Variants in EYS observed in about 807,000 individuals in gnomAD.
EYS encodes protein eyes shut homolog.
A neutral mutation model predicts 282.1 loss-of-function variants in EYS; 250 were observed. The ratio of observed to expected loss-of-function variants is 0.89; its 90% CI spans 0.80 to 0.98. The LOEUF is 0.98. Ranked by LOEUF, EYS falls within the 50% of genes least tolerant of loss-of-function variation. The pLI is 0.00. For synonymous variants in EYS, 1,355 were observed against 1,282.9 expected, an observed-to-expected ratio of 1.06 and a Z score of -1.20; for missense variants, 4,016 against 3,709.0, an observed-to-expected ratio of 1.08 and a Z score of -2.15.
At chr6:64,233,306 T>G (rs1361351076) in intron 30 of EYS, among the ~76,000 whole-genome samples, 7 of 152,320 alleles carry the variant, frequency 4.6e-5, no homozygotes, top group South Asian at 2.1e-4. Context: ...TGATATATGA[T>G]AATTAATAGT....
chr6:65,325,375 G>C (rs1300296345), intron 11 of EYS, among the ~76,000 whole-genome samples: 3 of 152,114 alleles, frequency 2.0e-5, no homozygotes, highest in East Asian at 3.9e-4. Flanking sequence ...TACCTACACT[G>C]TCTCATTTCA....
At position 65,491,595 on chromosome 6, in the gene EYS, T is replaced by C. The variant is rs73447212; in HGVS notation, c.749-888A>G. On this transcript the variant is annotated intron_variant, in intron 4 of 42. Coordinates refer to ENST00000503581, the MANE Select transcript of EYS (RefSeq NM_001142800.2). ...TCATTTGCCTCCAAGCAACCCTAAA[T>C]GTAATGAAAATATAAATAATGAAAA... is the stretch of plus-strand genomic sequence containing the variant. 2.1e-3 allele frequency: 899 copies of C among 425,594 alleles called. 12 individuals are homozygous for C. The highest frequency in any genetic ancestry group is 0.017 in the African/African-American group (817 of 48,944). 26.4% of individuals were successfully genotyped at this position (425,594 alleles called of 1,614,324 possible). A position where few individuals can be genotyped will look rare whatever the true frequency, so the allele number is the denominator to read the frequency against.
At chr6:64,785,614 A>G (rs75823845) in intron 22 of EYS, among the ~76,000 whole-genome samples, 6,338 of 152,250 alleles carry the variant, frequency 0.042, 152 homozygotes, top group East Asian at 0.072. Flanking sequence ...AAATAAACAT[A>G]TTTCACCTTC....
chr6:63,885,972 T>G (rs1364039394), intron 35 of EYS, among the ~76,000 whole-genome samples: 1 of 152,216 alleles, frequency 6.6e-6, no homozygotes, highest in Non-Finnish European at 1.5e-5. Context: ...TGACAGTCTT[T>G]CAACCATTCA....
chr6:64,265,750 C>T (rs1285738827), intron 30 of EYS, among the ~76,000 whole-genome samples: 1 of 152,040 alleles, frequency 6.6e-6, no homozygotes, highest in Non-Finnish European at 1.5e-5. Context: ...AAAATGCTGT[C>T]CTGAGTATTA....
At chr6:65,225,708 C>A (rs1766604836) in intron 12 of EYS, among the ~76,000 whole-genome samples, 1 of 142,596 alleles carries the variant, frequency 7.0e-6, no homozygotes, top group Non-Finnish European at 1.5e-5. Context: ...GAGCAAAAAA[C>A]TCCATCAAAA....
At chr6:63,831,716 A>G (rs1241809694) in intron 36 of EYS, among the ~76,000 whole-genome samples, 1 of 152,174 alleles carries the variant, frequency 6.6e-6, no homozygotes, top group Non-Finnish European at 1.5e-5. Context: ...CTAAGCAGAC[A>G]TAATAGGCAT....
intron 11 of EYS, among the ~76,000 whole-genome samples, chr6:65,317,288 G>A (rs1445181263): frequency 6.6e-6 from 1 of 152,066 alleles, no homozygotes; most frequent in African/African-American, 2.4e-5. Context: ...AATTTGCTCA[G>A]TTTATTTTCT....
At chr6:65,286,092 T>TA (rs1768354538) in intron 12 of EYS, among the ~76,000 whole-genome samples, 5 of 151,848 alleles carry the variant, frequency 3.3e-5, no homozygotes, top group Admixed American at 1.3e-4. Context: ...ATGTTAGAAT[T>TA]TGCAGCCAGA....
intron 15 of EYS, among the ~76,000 whole-genome samples, chr6:64,917,447 A>G (rs1053515280): frequency 6.6e-5 from 10 of 152,186 alleles, no homozygotes; most frequent in Admixed American, 4.6e-4. Flanking sequence ...ATTTATTAAT[A>G]CAAACCTAAG....
intron 26 of EYS, among the ~76,000 whole-genome samples, chr6:64,574,804 T>C (rs1765830028): frequency 6.6e-6 from 1 of 152,186 alleles, no homozygotes; most frequent in African/African-American, 2.4e-5. Flanking sequence ...ACAGCCCCTG[T>C]TGGTTTTAAA....
At chr6:65,629,192 C>G (rs1478785599) in intron 2 of EYS, among the ~76,000 whole-genome samples, 1 of 152,080 alleles carries the variant, frequency 6.6e-6, no homozygotes, top group East Asian at 1.9e-4. Flanking sequence ...CTGGCAGGAT[C>G]AAGGTACCCA....
intron 19 of EYS, among the ~76,000 whole-genome samples, chr6:64,868,593 T>C (rs1562234290): frequency 6.6e-6 from 1 of 151,594 alleles, no homozygotes; most frequent in East Asian, 1.9e-4. Flanking sequence ...TATTGGTTAC[T>C]TGATAAAATT....
At chr6:64,517,952 A>G (rs1777615324) in intron 26 of EYS, among the ~76,000 whole-genome samples, 1 of 151,804 alleles carries the variant, frequency 6.6e-6, no homozygotes, top group African/African-American at 2.4e-5. Context: ...GATGTTGCCT[A>G]TGTTTCATTC....
intron 12 of EYS, among the ~76,000 whole-genome samples, chr6:65,129,232 G>C (rs913784309): frequency 5.9e-5 from 9 of 151,858 alleles, no homozygotes; most frequent in African/African-American, 1.7e-4. Flanking sequence ...AAGAAACCTA[G>C]GAAATATCCT....
intron 15 of EYS, among the ~76,000 whole-genome samples, chr6:64,945,543 A>G (rs567656384): frequency 2.1e-4 from 32 of 152,220 alleles, no homozygotes; most frequent in African/African-American, 7.7e-4. Flanking sequence ...AAGTAAATGC[A>G]TTTGTATCAT....
intron 36 of EYS, among the ~76,000 whole-genome samples, chr6:63,848,268 C>G (rs1448215559): frequency 2.0e-5 from 3 of 152,030 alleles, no homozygotes; most frequent in African/African-American, 7.3e-5. Flanking sequence ...AATGTTTAAT[C>G]TTTTCCACAT....
chr6:64,478,664 T>C (rs941042469), intron 26 of EYS, among the ~76,000 whole-genome samples: 1 of 151,006 alleles, frequency 6.6e-6, no homozygotes, highest in African/African-American at 2.4e-5. Flanking sequence ...TATTATTTTA[T>C]TTAATACCCA....
intron 12 of EYS, among the ~76,000 whole-genome samples, chr6:65,147,677 A>T (rs1764512098): frequency 6.6e-6 from 1 of 152,074 alleles, no homozygotes; most frequent in Non-Finnish European, 1.5e-5. Context: ...GAACATAGAT[A>T]GGTTTTGCTT....
Sources: allele counts gnomAD v4.1 joint callset (sites outside exome capture counted in the v4.1 genomes callset), GRCh38; gene constraint gnomAD v4.1.1; transcripts MANE v1.5; gene names NCBI Gene and HGNC (gene_info 2026-07-23, HGNC 2026-07-21).